PEAK1: variants seen among roughly 807,000 people sequenced by gnomAD.
PEAK1 encodes the protein pseudopodium enriched atypical kinase 1, also known as inactive tyrosine-protein kinase PEAK1.
PEAK1 carries 54 observed loss-of-function variants against 124.7 expected under a neutral mutation model. That is an observed-to-expected ratio of 0.43 (90% CI 0.35 to 0.54). PEAK1 has a LOEUF of 0.54. Ranked by LOEUF, PEAK1 falls within the 20% of genes least tolerant of loss-of-function variation. The pLI, the probability that PEAK1 is intolerant of heterozygous loss-of-function variation, is 0.01. For synonymous variants in PEAK1, 719 were observed against 760.0 expected (o/e 0.95, Z 0.89); for missense variants, 2,046 against 2,134.5 (o/e 0.96, Z 0.82).
At chr15:77,215,204 G>A (rs1203957727) in intron 6 of PEAK1, among the ~76,000 whole-genome samples, 1 of 152,140 alleles carries the variant, frequency 6.6e-6, no homozygotes, top group African/African-American at 2.4e-5. Flanking sequence ...TATTTACTGT[G>A]AAGTTCATGT....
intron 5 of PEAK1, among the ~76,000 whole-genome samples, chr15:77,281,124 G>A (rs1374157756): frequency 6.6e-6 from 1 of 151,934 alleles, no homozygotes; most frequent in Non-Finnish European, 1.5e-5. Flanking sequence ...GCCGAGATTC[G>A]CCATTGCACT....
At chr15:77,134,463 T>A (rs972378236) in intron 8 of PEAK1, among the ~76,000 whole-genome samples, 2 of 152,240 alleles carry the variant, frequency 1.3e-5, no homozygotes. Flanking sequence ...CAAACTCTTA[T>A]GTGATTCTCT....
intron 9 of PEAK1, among the ~76,000 whole-genome samples, chr15:77,124,220 C>T (rs570215242): frequency 6.6e-6 from 1 of 152,366 alleles, no homozygotes; most frequent in South Asian, 2.1e-4. Context: ...TTTCCAATTG[C>T]TCCTGCTTTG....
intron 2 of PEAK1, among the ~76,000 whole-genome samples, chr15:77,289,445 G>T (rs2063100488): frequency 6.6e-6 from 1 of 152,184 alleles, no homozygotes; most frequent in African/African-American, 2.4e-5. Flanking sequence ...TAGGGAAAGT[G>T]AAAATATAGT....
intron 2 of PEAK1, chr15:77,336,936 T>C (rs1271641268): frequency 4.7e-6 from 1 of 213,562 alleles, no homozygotes; most frequent in Non-Finnish European, 8.0e-6. Context: ...CCAAGGCCAT[T>C]TGTGAAAATT....
chr15:77,242,448 T>C (rs2060400321), intron 6 of PEAK1, among the ~76,000 whole-genome samples: 2 of 152,134 alleles, frequency 1.3e-5, no homozygotes, highest in Admixed American at 1.3e-4. Flanking sequence ...AATTACTGCT[T>C]TAATAAGACA....
intron 6 of PEAK1, among the ~76,000 whole-genome samples, chr15:77,236,409 C>A (rs12912963): frequency 0.36 from 54,972 of 152,112 alleles, 10,077 homozygotes; most frequent in Non-Finnish European, 0.38. Context: ...ATTGCCCTAT[C>A]GTTTCCGACT....
intron 2 of PEAK1, chr15:77,349,924 T>C: frequency 1.0e-6 from 1 of 984,634 alleles, no homozygotes; most frequent in Non-Finnish European, 1.2e-6. Flanking sequence ...TTTCTGAGTG[T>C]CACGAAGAAA....
chr15:77,358,842 C>A (rs896001852), intron 2 of PEAK1, among the ~76,000 whole-genome samples: 1 of 152,134 alleles, frequency 6.6e-6, no homozygotes, highest in South Asian at 2.1e-4. Flanking sequence ...TGACTGAACA[C>A]ACAAGTTGTG....
intron 6 of PEAK1, among the ~76,000 whole-genome samples, chr15:77,198,986 A>T (rs1343168402): frequency 6.6e-6 from 1 of 152,192 alleles, no homozygotes; most frequent in East Asian, 1.9e-4. Flanking sequence ...CATTTATTTC[A>T]TCTATTTGTA....
At chr15:77,232,132 T>G (rs983492581) in intron 6 of PEAK1, among the ~76,000 whole-genome samples, 2 of 152,206 alleles carry the variant, frequency 1.3e-5, no homozygotes, top group Non-Finnish European at 2.9e-5. Context: ...ATCATTGCCC[T>G]TATCATTTTA....
chr15:77,187,520 G>A (rs2057606765), intron 6 of PEAK1, among the ~76,000 whole-genome samples: 1 of 152,180 alleles, frequency 6.6e-6, no homozygotes, highest in Non-Finnish European at 1.5e-5. Flanking sequence ...AGCTCCTCAA[G>A]CTGGATTCAA....
intron 5 of PEAK1, among the ~76,000 whole-genome samples, chr15:77,263,468 T>G (rs191774661): frequency 6.6e-6 from 1 of 152,124 alleles, no homozygotes; most frequent in Admixed American, 6.6e-5. Flanking sequence ...CAGAGAATAC[T>G]ATAAACACCT....
intron 2 of PEAK1, among the ~76,000 whole-genome samples, chr15:77,288,437 G>A (rs1414814688): frequency 3.3e-5 from 5 of 152,136 alleles, no homozygotes; most frequent in Non-Finnish European, 7.3e-5. Flanking sequence ...ACACCACCAA[G>A]CTCACATATC....
intron 1 of PEAK1, among the ~76,000 whole-genome samples, chr15:77,385,355 A>G (rs1316767580): frequency 6.6e-6 from 1 of 152,236 alleles, no homozygotes; most frequent in East Asian, 1.9e-4. Flanking sequence ...TTTATTTTCA[A>G]TGATGCTGTT....
intron 7 of PEAK1, among the ~76,000 whole-genome samples, chr15:77,172,545 CCA>C (rs1474660750): frequency 6.6e-6 from 1 of 152,154 alleles, no homozygotes; most frequent in Non-Finnish European, 1.5e-5. Flanking sequence ...ATTTGAATAA[CCA>C]CAGTTTGTCT....
rs563881198 is a variant in PEAK1 at position 77,290,060 on chromosome 15, C to G, written c.-602-3556G>C. The stretch of plus-strand genomic sequence containing the variant: ...TCAGCTCACCGCAACCTCTGCCTCC[C>G]AGGCTCAAGCGATTCTCCTGCCTCA... On this transcript the variant is annotated intron_variant, in intron 2 of 9. Coordinates refer to ENST00000682557, the MANE Select transcript of PEAK1 (RefSeq NM_001385026.1). 2.0e-5 allele frequency among the ~76,000 whole-genome samples: 3 copies of G among 152,274 alleles called. No homozygotes were observed. In the East Asian group the frequency reaches 5.8e-4, roughly 29 times the overall value.
chr15:77,286,488 T>A lies in PEAK1; in HGVS notation c.-586A>T. 1 of 1,228,256 alleles carries A rather than the reference T, an allele frequency of 8.1e-7. No homozygotes were observed. Among genetic ancestry groups the A allele is most frequent in the Non-Finnish European group, 1.0e-6 (1 of 985,010 alleles). The allele number at this position is 1,228,256 out of a possible 1,614,324, so 76.1% of individuals were successfully genotyped here. A position where few individuals can be genotyped will look rare whatever the true frequency, so the allele number is the denominator to read the frequency against. On this transcript the variant is annotated 5_prime_UTR_variant, in exon 3 of 10. Coordinates refer to ENST00000682557, the MANE Select transcript of PEAK1 (RefSeq NM_001385026.1). Reference sequence around the variant, plus strand: ...TTCCTTTTCTTTCCTTACAAATGGATCTCAAGTATTCTTTTCCTATTAGAA... The same window carrying A: ...TTCCTTTTCTTTCCTTACAAATGGAACTCAAGTATTCTTTTCCTATTAGAA...
At chr15:77,207,425 T>C (rs1252184553) in intron 6 of PEAK1, among the ~76,000 whole-genome samples, 2 of 152,150 alleles carry the variant, frequency 1.3e-5, no homozygotes, top group East Asian at 1.9e-4. Context: ...TGCTAAAACT[T>C]GAAGTAAGGA....
Sources: gnomAD v4.1 joint callset for allele counts (sites outside exome capture counted in the v4.1 genomes callset) on GRCh38, gnomAD v4.1.1 for gene constraint, MANE v1.5 for transcripts, NCBI Gene and HGNC (gene_info 2026-07-23, HGNC 2026-07-21) for gene names.